The following DHX57 variants were observed in gnomAD, a reference collection of about 807,000 sequenced individuals.
DHX57 encodes the protein DExH-box helicase 57.
Under a neutral mutation model 156.2 loss-of-function variants are expected in DHX57, and 105 were observed. The ratio of observed to expected loss-of-function variants is 0.67; its 90% CI spans 0.57 to 0.79. The LOEUF (loss-of-function observed/expected upper bound fraction) is 0.79, where lower values mean the gene tolerates loss of function less well. DHX57 is among the 30% of genes least tolerant of loss of function. The pLI, the probability that DHX57 is intolerant of heterozygous loss-of-function variation, is 0.00. For synonymous variants in DHX57, 704 were observed against 595.6 expected, an observed-to-expected ratio of 1.18 and a Z score of -2.65; for missense variants, 1,847 against 1,661.9, an observed-to-expected ratio of 1.11 and a Z score of -1.94.
chr2:38,802,991 T>A, intron 22 of DHX57, 76 bp from the exon 23 acceptor site: 2 of 1,525,132 alleles, frequency 1.3e-6, no homozygotes, highest in South Asian at 1.1e-5. Flanking sequence ...GTCCCACGGA[T>A]TTAAATACTG....
intron 23 of DHX57, among the ~76,000 whole-genome samples, chr2:38,799,427 CTTG>C (rs964598486): frequency 8.2e-5 from 8 of 97,790 alleles, no homozygotes; most frequent in Non-Finnish European, 1.2e-4. Context: ...CACTGCAGAC[CTTG>C]TTGTCTCAAA....
At chr2:38,851,728 C>G (rs1322087292) in intron 9 of DHX57, among the ~76,000 whole-genome samples, 2 of 152,196 alleles carry the variant, frequency 1.3e-5, no homozygotes, top group African/African-American at 4.8e-5. Context: ...GAATCCAAAG[C>G]TACTCTTCAT....
At chr2:38,840,013 C>G (rs1671898065) in intron 12 of DHX57, among the ~76,000 whole-genome samples, 1 of 152,152 alleles carries the variant, frequency 6.6e-6, no homozygotes, top group Admixed American at 6.5e-5. Context: ...GTGGCGTGAT[C>G]ATGGCTTACT....
rs778059418 is a variant in DHX57 at position 38,806,597 on chromosome 2, C to T, written c.3778G>A (p.Gly1260Arg). 1.7e-5 allele frequency: 28 copies of T among 1,614,098 alleles called. No homozygotes were observed. Among genetic ancestry groups the T allele is most frequent in the East Asian group, 4.5e-5 (2 of 44,866 alleles). ...AELKFVTKND[G>R]YVHIHPSSVN... ...GATGAAGGGTGAATGTGTACATATC[C>T]ATCGTTCTTGGTGACAAACTTCAAC... The change falls in exon 22 of 24, where the codon GGA (glycine) becomes AGA (arginine). Residue 1260 changes from glycine to arginine, a missense_variant. Gly to Arg is a moderately radical substitution (Grantham distance 125). Coordinates refer to ENST00000457308, the MANE Select transcript of DHX57 (RefSeq NM_198963.3).
chr2:38,802,174 G>T (rs1669713029), intron 23 of DHX57, among the ~76,000 whole-genome samples: 1 of 151,952 alleles, frequency 6.6e-6, no homozygotes, highest in African/African-American at 2.4e-5. Context: ...ACTAACCTCA[G>T]CCCGTACCAG....
At chr2:38,822,874 A>G in intron 17 of DHX57, 119 bp downstream of exon 17, 1 of 1,073,966 alleles carries the variant, frequency 9.3e-7, no homozygotes, top group East Asian at 2.6e-5. Context: ...CTAAAAATTC[A>G]CAGCTAACAT....
intron 12 of DHX57, among the ~76,000 whole-genome samples, chr2:38,840,114 T>A (rs901857091): frequency 6.6e-6 from 1 of 151,936 alleles, no homozygotes; most frequent in African/African-American, 2.4e-5. Context: ...CCAGCTAATT[T>A]AAAAATTTTT....
intron 12 of DHX57, among the ~76,000 whole-genome samples, chr2:38,839,155 C>T (rs545132992): frequency 6.6e-6 from 1 of 151,802 alleles, no homozygotes; most frequent in Admixed American, 6.6e-5. Flanking sequence ...TGGTCTCGAA[C>T]TCCTAACCTC....
At chr2:38,806,755 C>G (rs1228614490) in intron 21 of DHX57, 62 bp from the exon 22 acceptor site, 2 of 1,509,442 alleles carry the variant, frequency 1.3e-6, no homozygotes, top group Non-Finnish European at 1.8e-6. Flanking sequence ...GAAAGTATCT[C>G]TTGGCACAAA....
chr2:38,798,048 G>C lies in DHX57; in HGVS notation c.*251C>G. On this transcript the variant is annotated 3_prime_UTR_variant, in exon 24 of 24. Transcript: ENST00000457308. ...CTTAATTCACTCCAGAACAATCACA[G>C]AGACAAAGACAGGCAAGCTGGGTTT... The C allele has an allele frequency of 2.6e-6, 1 of 386,218 alleles. No individual in the cohort carries two copies. The highest frequency in any genetic ancestry group is 4.8e-6 in the Non-Finnish European group (1 of 206,832). 23.9% of individuals were successfully genotyped at this position (386,218 alleles called of 1,614,324 possible).
chr2:38,839,644 C>T (rs770221579), intron 12 of DHX57, among the ~76,000 whole-genome samples: 5 of 151,720 alleles, frequency 3.3e-5, no homozygotes, highest in African/African-American at 4.8e-5. Context: ...TCGCTTGAAC[C>T]CAGGAGGCGG....
chr2:38,827,003 C>T (rs888055905), intron 14 of DHX57, among the ~76,000 whole-genome samples: 4 of 152,080 alleles, frequency 2.6e-5, no homozygotes, highest in African/African-American at 9.7e-5. Flanking sequence ...TGTTGGTGGG[C>T]ACCTGTAATC....
At chr2:38,875,599 A>G (rs1665574659) in intron 1 of DHX57, among the ~76,000 whole-genome samples, 188 bp downstream of exon 1, 1 of 151,898 alleles carries the variant, frequency 6.6e-6, no homozygotes, top group South Asian at 2.1e-4. Flanking sequence ...GTTCGGTATC[A>G]GGGCCTGGGA....
intron 1 of DHX57, among the ~76,000 whole-genome samples, 156 bp from the exon 2 acceptor site, chr2:38,868,567 C>T (rs1665199251): frequency 1.3e-5 from 2 of 152,030 alleles, no homozygotes; most frequent in South Asian, 4.1e-4. Flanking sequence ...GAATCTGTTC[C>T]AGTGAAAAAA....
chr2:38,840,366 G>A (rs1329143188), intron 12 of DHX57, among the ~76,000 whole-genome samples: 1 of 150,854 alleles, frequency 6.6e-6, no homozygotes. Flanking sequence ...AGAACATTGA[G>A]ATCAACAAAT....
chr2:38,807,943 G>C (rs1670040073), intron 21 of DHX57, among the ~76,000 whole-genome samples: 1 of 109,042 alleles, frequency 9.2e-6, no homozygotes, highest in African/African-American at 3.5e-5. Flanking sequence ...ACTGTGTCTT[G>C]CCTTTTTTTT....
intron 1 of DHX57, among the ~76,000 whole-genome samples, chr2:38,875,021 T>TA (rs1665541009): frequency 6.6e-6 from 1 of 152,202 alleles, no homozygotes; most frequent in South Asian, 2.1e-4. Context: ...AGAGGATACT[T>TA]ACGCTGAATC....
chr2:38,806,180 A>C (rs1241456544), intron 22 of DHX57, among the ~76,000 whole-genome samples: 3 of 152,098 alleles, frequency 2.0e-5, no homozygotes, highest in East Asian at 3.8e-4. Flanking sequence ...GGGTTTAGTG[A>C]AGTGGTGGGG....
chr2:38,868,340 T>A lies in DHX57; in HGVS notation c.66A>T (p.Gly22=), dbSNP rs1665188045. ...GKGGGKGSSR[G]GRGGRSHASK... ...TGGCGTGACTCCTGCCTCCTCTTCC[T>A]CCTCTAGAAGACCCTTTTCCACCTC... is the stretch of plus-strand genomic sequence containing the variant. The change falls in exon 2 of 24, where the codon GGA becomes GGT. Residue 22 remains glycine (G), a synonymous_variant. Coordinates refer to ENST00000457308, the MANE Select transcript of DHX57 (RefSeq NM_198963.3). The A allele has an allele frequency of 1.2e-6, 2 of 1,609,386 alleles. No homozygotes were observed.
Sources: gnomAD v4.1 joint callset for allele counts (sites outside exome capture counted in the v4.1 genomes callset) on GRCh38, gnomAD v4.1.1 for gene constraint, MANE v1.5 for transcripts, NCBI Gene and HGNC (gene_info 2026-07-23, HGNC 2026-07-21) for gene names.